USP22: variants seen among roughly 807,000 people sequenced by gnomAD.
The protein encoded by USP22 is ubiquitin carboxyl-terminal hydrolase 22.
USP22 carries 22 observed loss-of-function variants against 68.1 expected under a neutral mutation model. The observed-to-expected ratio is 0.32, with a 90% CI of 0.23 to 0.46. The LOEUF (loss-of-function observed/expected upper bound fraction) is 0.46. Ranked by LOEUF, USP22 falls within the 20% of genes least tolerant of loss-of-function variation. USP22 has a pLI of 1.00. For missense variants in USP22, 433 were observed against 695.8 expected (o/e 0.62, Z 4.25); for synonymous variants, 279 against 274.2 (o/e 1.02, Z -0.17).
At chr17:21,008,463 G>A (rs987871139) in intron 8 of USP22, among the ~76,000 whole-genome samples, 2 of 152,178 alleles carry the variant, frequency 1.3e-5, no homozygotes, top group Non-Finnish European at 2.9e-5. Context: ...ATCCCAAGCT[G>A]TACCCTGGAT....
At chr17:21,004,728 C>T (rs1913723892) in intron 11 of USP22, among the ~76,000 whole-genome samples, 200 bp downstream of exon 11, 1 of 151,780 alleles carries the variant, frequency 6.6e-6, no homozygotes, top group Non-Finnish European at 1.5e-5. Flanking sequence ...GCTCCTCCAA[C>T]AGGAGGGAGC....
chr17:21,026,608 G>A (rs1032260460), intron 2 of USP22, among the ~76,000 whole-genome samples: 1 of 151,352 alleles, frequency 6.6e-6, no homozygotes, highest in African/African-American at 2.4e-5. Context: ...ACAGGTGCAA[G>A]CCACACCGCT....
intron 1 of USP22, among the ~76,000 whole-genome samples, chr17:21,036,548 A>G (rs1972360674): frequency 6.7e-6 from 1 of 150,372 alleles, no homozygotes. Flanking sequence ...TCATTTCCCA[A>G]GGGAGTACAG....
At chr17:21,042,026 G>C (rs907311052) in intron 1 of USP22, among the ~76,000 whole-genome samples, 56 of 152,104 alleles carry the variant, frequency 3.7e-4, no homozygotes, top group African/African-American at 1.3e-3. Flanking sequence ...GCGAAGCTCC[G>C]GCCCCGCGCC....
Position 21,030,576 on chromosome 17 carries a change from T to C in USP22, c.172-1902A>G, listed in dbSNP as rs1053583014. Among the ~76,000 whole-genome samples, 6 of 152,336 alleles carry C rather than the reference T, an allele frequency of 3.9e-5. No individual in the cohort carries two copies. In the South Asian group the frequency reaches 8.3e-4, roughly 21 times the overall value. On this transcript the variant is annotated intron_variant, in intron 1 of 12. Coordinates refer to ENST00000261497, the MANE Select transcript of USP22 (RefSeq NM_015276.2). Reference sequence around the variant, plus strand: ...TTATCCCCACCACAGAGCAGGCAAGTGCAGAGAACAACATGGCGGCGCCTG... The same window carrying C: ...TTATCCCCACCACAGAGCAGGCAAGCGCAGAGAACAACATGGCGGCGCCTG...
Position 21,028,685 on chromosome 17 carries a change from G to C in USP22, c.172-11C>G. The C allele has an allele frequency of 6.2e-7, 1 of 1,613,182 alleles. No individual in the cohort carries two copies. The highest frequency in any genetic ancestry group is 8.5e-7 in the Non-Finnish European group (1 of 1,179,858). ...GATACAGGACTTGGCCTGAAATTCAGAGAAGAGGAGGAGTGAACGCTGTGT... is the reference window on the plus strand; with the variant it reads ...GATACAGGACTTGGCCTGAAATTCACAGAAGAGGAGGAGTGAACGCTGTGT... On this transcript the variant is annotated splice_polypyrimidine_tract_variant and intron_variant, in intron 1 of 12. Transcript: ENST00000261497.
At chr17:21,032,869 G>A (rs999079797) in intron 1 of USP22, among the ~76,000 whole-genome samples, 4 of 135,324 alleles carry the variant, frequency 3.0e-5, no homozygotes, top group Admixed American at 8.1e-5. Context: ...GCTGCAGTGA[G>A]CCAAGATCGC....
intron 1 of USP22, among the ~76,000 whole-genome samples, chr17:21,037,704 C>T (rs371327339): frequency 3.9e-5 from 6 of 152,146 alleles, no homozygotes; most frequent in African/African-American, 1.4e-4. Flanking sequence ...AGAATAAGGA[C>T]ATTACATAAA....
chr17:21,027,796 C>T (rs1003968033), intron 2 of USP22, among the ~76,000 whole-genome samples: 2 of 152,054 alleles, frequency 1.3e-5, no homozygotes, highest in Non-Finnish European at 2.9e-5. Flanking sequence ...ATAGTGAAAC[C>T]CCATCTCTAC....
rs1438635583 is a variant in USP22, at chr17:21,000,480, A to G, written c.*2551T>C. 6.6e-6 allele frequency: 1 copy of G among 152,284 alleles called. No homozygotes were observed. The highest frequency in any genetic ancestry group is 2.4e-5 in the African/African-American group (1 of 41,470). The allele number at this position is 152,284 out of a possible 1,614,324, so 9.4% of individuals were successfully genotyped here. On this transcript the variant is annotated 3_prime_UTR_variant, in exon 13 of 13. Coordinates refer to ENST00000261497, the MANE Select transcript of USP22 (RefSeq NM_015276.2). ...CGAAAGTTTAGAATAATGCCCACCA[A>G]AAATCCATGTGACTCCATCTCTCTT...
chr17:21,012,506 G>C (rs532972434), intron 7 of USP22, among the ~76,000 whole-genome samples: 1 of 152,236 alleles, frequency 6.6e-6, no homozygotes, highest in South Asian at 2.1e-4. Context: ...ACGCCTTCTT[G>C]AAGAGGGCTC....
At position 21,000,586 on chromosome 17, in the gene USP22, G is replaced by C. The variant is rs1913530622; in HGVS notation, c.*2445C>G. On this transcript the variant is annotated 3_prime_UTR_variant, in exon 13 of 13. Transcript: ENST00000261497. Reference sequence around the variant, plus strand: ...AAGGGGACTAGGGGTTGGCCGGCGGGAGGGGAGGCAGGGTCTGGCCAAACC... The same window carrying C: ...AAGGGGACTAGGGGTTGGCCGGCGGCAGGGGAGGCAGGGTCTGGCCAAACC... 1 of 152,280 alleles carries C rather than the reference G, an allele frequency of 6.6e-6. No homozygotes were observed. Among genetic ancestry groups the C allele is most frequent in the African/African-American group, 2.4e-5 (1 of 41,456 alleles). 9.4% of individuals were successfully genotyped at this position (152,280 alleles called of 1,614,324 possible).
chr17:21,008,673 C>T (rs1336730467), intron 8 of USP22, among the ~76,000 whole-genome samples: 1 of 152,156 alleles, frequency 6.6e-6, no homozygotes, highest in Admixed American at 6.5e-5. Flanking sequence ...GAATCCTGGC[C>T]AGGGCGTCGC....
chr17:21,005,651 C>T (rs1336247149), intron 10 of USP22, among the ~76,000 whole-genome samples: 1 of 152,182 alleles, frequency 6.6e-6, no homozygotes, highest in Admixed American at 6.5e-5. Context: ...AGGAGGTCAT[C>T]TGTGTGCCAC....
chr17:21,021,252 AACC>A, intron 2 of USP22, 26 bp from the exon 3 acceptor site: 1 of 1,535,456 alleles, frequency 6.5e-7, no homozygotes. Flanking sequence ...AGGGAGGAGA[AACC>A]AAGTTGAATT....
intron 1 of USP22, among the ~76,000 whole-genome samples, chr17:21,035,012 T>C (rs924472057): frequency 2.6e-5 from 4 of 152,158 alleles, no homozygotes; most frequent in Non-Finnish European, 5.9e-5. Context: ...AGTACTCTAT[T>C]ATCATAAACA....
chr17:21,038,499 G>A (rs1972384292), intron 1 of USP22, among the ~76,000 whole-genome samples: 1 of 151,864 alleles, frequency 6.6e-6, no homozygotes, highest in Admixed American at 6.6e-5. Context: ...CAAAACTCAT[G>A]GCTACCAAAA....
chr17:21,015,753 T>C lies in USP22; in HGVS notation c.837A>G (p.Lys279=). The C allele has an allele frequency of 6.2e-7, 1 of 1,612,638 alleles. No individual in the cohort carries two copies. The highest frequency in any genetic ancestry group is 8.5e-7 in the Non-Finnish European group (1 of 1,179,822). Residue 279 remains lysine, a splice_region_variant and synonymous_variant, in exon 6 of 13, where the codon AAA becomes AAG. Transcript: ENST00000261497. ...AALDVLHRHC[K]GDDNGKKANN... ...GAGGGTGCAGAGCCCAGGGCCCACCTTTGCAGTGTCGGTGGAGCACGTCCA... is the reference window on the plus strand; with the variant it reads ...GAGGGTGCAGAGCCCAGGGCCCACCCTTGCAGTGTCGGTGGAGCACGTCCA...
rs1299297476 is a variant in USP22, at chr17:20,999,636, C to T, written c.*3395G>A. 1.3e-5 allele frequency: 2 copies of T among 152,070 alleles called. No homozygotes were observed. Among genetic ancestry groups the T allele is most frequent in the Non-Finnish European group, 2.9e-5 (2 of 68,030 alleles). The allele number at this position is 152,070 out of a possible 1,614,324, so 9.4% of individuals were successfully genotyped here. On this transcript the variant is annotated 3_prime_UTR_variant, in exon 13 of 13. Transcript: ENST00000261497. The stretch of plus-strand genomic sequence containing the variant: ...CTTTATTATGACATAGGAGAGACTA[C>T]AAAGCACTGGGGGGGAGGAGGAGTG...
Sources: gnomAD v4.1 joint callset for allele counts (sites outside exome capture counted in the v4.1 genomes callset) on GRCh38, gnomAD v4.1.1 for gene constraint, MANE v1.5 for transcripts, NCBI Gene and HGNC (gene_info 2026-07-23, HGNC 2026-07-21) for gene names.